LDAH: variants seen among roughly 807,000 people sequenced by gnomAD.
LDAH encodes lipid droplet-associated hydrolase.
LDAH carries 26 observed loss-of-function variants against 29.6 expected under a neutral mutation model. That is an observed-to-expected ratio of 0.88 (90% CI 0.64 to 1.22). The LOEUF is 1.22. LDAH is among the 50% of genes most tolerant of loss of function. The probability of loss-of-function intolerance (pLI) is 0.00; values close to 1 mark genes in which losing one functional copy is unlikely to be tolerated. For synonymous variants in LDAH, 117 were observed against 133.0 expected (o/e 0.88, Z 0.83); for missense variants, 344 against 387.3 (o/e 0.89, Z 0.94).
intron 1 of LDAH, among the ~76,000 whole-genome samples, chr2:20,815,434 T>C (rs539875435): frequency 1.3e-5 from 2 of 151,662 alleles, no homozygotes; most frequent in Non-Finnish European, 2.9e-5. Context: ...GTCAAGAAGC[T>C]GAGAAAAACC....
At chr2:20,782,968 C>T (rs1365789899) in intron 3 of LDAH, among the ~76,000 whole-genome samples, 1 of 152,094 alleles carries the variant, frequency 6.6e-6, no homozygotes, top group East Asian at 1.9e-4. Context: ...CTATAAATTT[C>T]CTTCTAAGCA....
chr2:20,754,571 A>C (rs1264394067), intron 4 of LDAH, among the ~76,000 whole-genome samples: 1 of 151,952 alleles, frequency 6.6e-6, no homozygotes, highest in Non-Finnish European at 1.5e-5. Context: ...TCTGCATAAC[A>C]TCTCGATTAG....
intron 1 of LDAH, among the ~76,000 whole-genome samples, chr2:20,809,142 A>G (rs1672294204): frequency 6.6e-6 from 1 of 152,008 alleles, no homozygotes; most frequent in Non-Finnish European, 1.5e-5. Flanking sequence ...CTGTAATCCC[A>G]GCACTTTAGG....
At chr2:20,732,898 T>A in intron 5 of LDAH, among the ~76,000 whole-genome samples, 1 of 100,876 alleles carries the variant, frequency 9.9e-6, no homozygotes, top group East Asian at 3.2e-4. Context: ...AGACAGGGTC[T>A]CACTATGTCG....
chr2:20,727,962 G>A (rs925725467), intron 5 of LDAH, among the ~76,000 whole-genome samples: 2 of 152,150 alleles, frequency 1.3e-5, no homozygotes, highest in East Asian at 3.8e-4. Context: ...AGAGAAGAAC[G>A]CTAATGCCCC....
chr2:20,808,585 G>C (rs1365340163), intron 1 of LDAH, among the ~76,000 whole-genome samples: 2 of 151,520 alleles, frequency 1.3e-5, no homozygotes, highest in Non-Finnish European at 2.9e-5. Context: ...AATCGCTTGG[G>C]AGGCGGAGCT....
chr2:20,772,568 A>G (rs971204685), intron 4 of LDAH, among the ~76,000 whole-genome samples: 2 of 152,194 alleles, frequency 1.3e-5, no homozygotes, highest in Admixed American at 6.5e-5. Flanking sequence ...ACCTCCTAGT[A>G]TTCATGCCCT....
In LDAH at chr2:20,685,592, T is replaced by C; in HGVS notation, c.*1311A>G. ...AGAGCCAAATCTTTCATCAGGGGGC[T>C]TTAGGATTTGAGCGGAGGGACATCT... On this transcript the variant is annotated 3_prime_UTR_variant, in exon 7 of 7. Coordinates refer to ENST00000237822, the MANE Select transcript of LDAH (RefSeq NM_021925.4). 6.4e-7 allele frequency: 1 copy of C among 1,550,466 alleles called. No individual in the cohort carries two copies. The highest frequency in any genetic ancestry group is 8.7e-7 in the Non-Finnish European group (1 of 1,146,960).
At chr2:20,707,616 A>G (rs961294927) in intron 5 of LDAH, among the ~76,000 whole-genome samples, 4 of 152,208 alleles carry the variant, frequency 2.6e-5, no homozygotes, top group Non-Finnish European at 5.9e-5. Flanking sequence ...GACCCCCTGA[A>G]TTTCAGCTAG....
At chr2:20,767,008 T>C (rs1669087814) in intron 4 of LDAH, among the ~76,000 whole-genome samples, 1 of 152,218 alleles carries the variant, frequency 6.6e-6, no homozygotes, top group South Asian at 2.1e-4. Flanking sequence ...GACCAGGGCC[T>C]GCAATCCATT....
intron 4 of LDAH, among the ~76,000 whole-genome samples, chr2:20,758,653 A>G (rs554983116): frequency 6.6e-6 from 1 of 152,370 alleles, no homozygotes; most frequent in Non-Finnish European, 1.5e-5. Context: ...AAGGAAGGAC[A>G]GAGTAAAAAT....
At chr2:20,725,146 A>C (rs1205054814) in intron 5 of LDAH, among the ~76,000 whole-genome samples, 4 of 152,184 alleles carry the variant, frequency 2.6e-5, no homozygotes, top group African/African-American at 9.7e-5. Context: ...TTACAAGGAA[A>C]AATCACTTTC....
chr2:20,800,519 C>T (rs183610475), intron 2 of LDAH, among the ~76,000 whole-genome samples: 38 of 152,310 alleles, frequency 2.5e-4, no homozygotes, highest in Non-Finnish European at 4.3e-4. Flanking sequence ...TACCTGCAAT[C>T]GCTCAAGCAT....
At chr2:20,737,464 A>G (rs1298949431) in intron 5 of LDAH, among the ~76,000 whole-genome samples, 1 of 152,202 alleles carries the variant, frequency 6.6e-6, no homozygotes, top group African/African-American at 2.4e-5. Flanking sequence ...CTGTAAAGAG[A>G]CGTAAAATGA....
intron 2 of LDAH, 143 bp from the exon 3 acceptor site, chr2:20,790,541 T>G: frequency 1.5e-6 from 1 of 674,452 alleles, no homozygotes; most frequent in Non-Finnish European, 2.5e-6. Context: ...ATCTTCAAAC[T>G]TCCATTAAAA....
chr2:20,697,160 T>G (rs1421127599), intron 6 of LDAH, among the ~76,000 whole-genome samples: 1 of 152,140 alleles, frequency 6.6e-6, no homozygotes, highest in African/African-American at 2.4e-5. Context: ...AGTACCAAAA[T>G]GAACCACTTG....
At chr2:20,761,703 G>A (rs1668701036) in intron 4 of LDAH, among the ~76,000 whole-genome samples, 1 of 151,816 alleles carries the variant, frequency 6.6e-6, no homozygotes, top group Admixed American at 6.6e-5. Context: ...TCACTATTTG[G>A]GTAACTGGTA....
At chr2:20,817,938 T>C (rs1316657876) in intron 1 of LDAH, among the ~76,000 whole-genome samples, 5 of 152,108 alleles carry the variant, frequency 3.3e-5, no homozygotes, top group African/African-American at 1.2e-4. Context: ...GATAGAGCAG[T>C]GGTTGCCACG....
At chr2:20,815,315 A>G (rs1157773985) in intron 1 of LDAH, among the ~76,000 whole-genome samples, 1 of 152,084 alleles carries the variant, frequency 6.6e-6, no homozygotes, top group Non-Finnish European at 1.5e-5. Flanking sequence ...ATGACCTAAC[A>G]TTCATCCAAT....
Sources: gnomAD v4.1 joint callset for allele counts (sites outside exome capture counted in the v4.1 genomes callset) on GRCh38, gnomAD v4.1.1 for gene constraint, MANE v1.5 for transcripts, NCBI Gene and HGNC (gene_info 2026-07-23, HGNC 2026-07-21) for gene names.